Variants in GSR observed in about 807,000 individuals in gnomAD.
The protein encoded by GSR is glutathione reductase, mitochondrial.
A neutral mutation model predicts 56.5 loss-of-function variants in GSR; 48 were observed. The observed-to-expected ratio is 0.85, with a 90% CI of 0.67 to 1.08. The LOEUF is 1.08. Ranked by LOEUF, GSR falls within the 50% of genes least tolerant of loss-of-function variation. The pLI is 0.00. For synonymous variants in GSR, 264 were observed against 270.8 expected, an observed-to-expected ratio of 0.97 and a Z score of 0.25; for missense variants, 694 against 703.3, an observed-to-expected ratio of 0.99 and a Z score of 0.15.
At chr8:30,704,880 T>A (rs1803871257) in intron 4 of GSR, 2 of 151,810 alleles carry the variant, frequency 1.3e-5, no homozygotes, top group Admixed American at 6.6e-5. Context: ...CAAAAAGGAG[T>A]ATGGCTCGCG....
At chr8:30,693,220 C>T (rs1803445672) in intron 7 of GSR, among the ~76,000 whole-genome samples, 165 bp from the exon 8 acceptor site, 1 of 152,144 alleles carries the variant, frequency 6.6e-6, no homozygotes, top group Non-Finnish European at 1.5e-5. Flanking sequence ...TATTTTCCTA[C>T]ATCACCACCA....
intron 1 of GSR, among the ~76,000 whole-genome samples, chr8:30,724,286 C>T (rs1804651756): frequency 1.3e-5 from 2 of 152,158 alleles, no homozygotes; most frequent in Admixed American, 1.3e-4. Context: ...GATCTCAATC[C>T]TATGGCTTAC....
chr8:30,696,748 T>G (rs779004942), intron 6 of GSR, among the ~76,000 whole-genome samples: 2 of 151,814 alleles, frequency 1.3e-5, no homozygotes, highest in Non-Finnish European at 2.9e-5. Context: ...CAGGCTGGAG[T>G]GTAGTGGTGT....
chr8:30,712,816 C>T (rs1046687071), intron 1 of GSR, among the ~76,000 whole-genome samples: 4 of 152,144 alleles, frequency 2.6e-5, no homozygotes, highest in African/African-American at 4.8e-5. Context: ...TTGAGAAAAC[C>T]TAAATAAATA....
At chr8:30,713,835 C>T (rs1290636333) in intron 1 of GSR, among the ~76,000 whole-genome samples, 1 of 152,286 alleles carries the variant, frequency 6.6e-6, no homozygotes. Context: ...ACATATTATG[C>T]TCCCGTGTCC....
intron 1 of GSR, among the ~76,000 whole-genome samples, chr8:30,723,163 T>G (rs974625256): frequency 6.6e-6 from 1 of 152,034 alleles, no homozygotes; most frequent in Non-Finnish European, 1.5e-5. Flanking sequence ...TAGAAACAAC[T>G]TTTCCTTAAG....
At chr8:30,682,097 T>C (rs1171377954) in intron 10 of GSR, 36 bp from the exon 11 acceptor site, 2 of 1,592,228 alleles carry the variant, frequency 1.3e-6, no homozygotes, top group East Asian at 2.2e-5. Flanking sequence ...TTTATCTTAC[T>C]GTCTGTTTTA....
intron 1 of GSR, among the ~76,000 whole-genome samples, chr8:30,724,681 A>T (rs1002591735): frequency 1.3e-5 from 2 of 150,626 alleles, no homozygotes; most frequent in East Asian, 3.9e-4. Context: ...CCCAAGTAGC[A>T]TGTGCCACCA....
chr8:30,692,590 C>A (rs1292086249), intron 8 of GSR, among the ~76,000 whole-genome samples: 1 of 150,526 alleles, frequency 6.6e-6, no homozygotes, highest in Non-Finnish European at 1.5e-5. Flanking sequence ...CAACCTCCAC[C>A]TTCTGGGTTC....
chr8:30,703,371 G>A lies in GSR; in HGVS notation c.493-131C>T, dbSNP rs138449562. ...TTTGCTGATGCCAACACAATTCTCC[G>A]TTTTTCAAGTTTCTGTAGAACTTCT... On this transcript the variant is annotated intron_variant, in intron 4 of 12. Transcript: ENST00000221130. 1.9e-4 allele frequency: 167 copies of A among 871,642 alleles called. 1 individual carries two copies. The highest frequency in any genetic ancestry group is 1.9e-3 in the African/African-American group (116 of 60,560). 54.0% of individuals were successfully genotyped at this position (871,642 alleles called of 1,614,324 possible).
intron 1 of GSR, among the ~76,000 whole-genome samples, chr8:30,725,568 AATAG>A (rs1291027431): frequency 3.3e-5 from 5 of 149,792 alleles, no homozygotes; most frequent in African/African-American, 7.4e-5. Flanking sequence ...TCGAAAAAAA[AATAG>A]ATAAATACAT....
chr8:30,688,797 C>T (rs1182198614), intron 9 of GSR, among the ~76,000 whole-genome samples: 1 of 151,610 alleles, frequency 6.6e-6, no homozygotes, highest in African/African-American at 2.4e-5. Flanking sequence ...TTGTGGCACA[C>T]ACATAGTTCC....
In GSR at chr8:30,684,686, G is replaced by T. The variant is rs142217211; in HGVS notation, c.1042-487C>A. On this transcript the variant is annotated intron_variant, in intron 9 of 12. Transcript: ENST00000221130. ...CCTCTGGAGTCCAGCTTTTCAACTT[G>T]TCCCATGGAAGCACTGCTCCTGAGG... Among the ~76,000 whole-genome samples the T allele has an allele frequency of 3.4e-3, 521 of 152,210 alleles. 5 individuals carry two copies. Among genetic ancestry groups the T allele is most frequent in the Middle Eastern group, 0.01 (3 of 294 alleles).
At chr8:30,724,571 CAG>C (rs1804662750) in intron 1 of GSR, among the ~76,000 whole-genome samples, 2 of 53,598 alleles carry the variant, frequency 3.7e-5, no homozygotes, top group South Asian at 1.2e-3. Context: ...TTTTTTGAGA[CAG>C]AGTCTCACTC....
At chr8:30,710,648 TGG>T (rs1188079316) in intron 2 of GSR, among the ~76,000 whole-genome samples, 1 of 124,860 alleles carries the variant, frequency 8.0e-6, no homozygotes, top group Non-Finnish European at 1.6e-5. Flanking sequence ...ACCTGGGAGG[TGG>T]AGATTGCAGT....
At chr8:30,714,748 G>A (rs1277516216) in intron 1 of GSR, among the ~76,000 whole-genome samples, 1 of 152,048 alleles carries the variant, frequency 6.6e-6, no homozygotes. Context: ...GCCCAGGCTG[G>A]TCTTGAACTC....
At chr8:30,721,221 C>T (rs1000737517) in intron 1 of GSR, among the ~76,000 whole-genome samples, 4 of 152,158 alleles carry the variant, frequency 2.6e-5, no homozygotes, top group African/African-American at 4.8e-5. Flanking sequence ...CACCATCTCC[C>T]GTCCCCCAAA....
intron 1 of GSR, chr8:30,726,759 C>G (rs965879181): frequency 6.6e-6 from 1 of 151,900 alleles, no homozygotes; most frequent in African/African-American, 2.4e-5. Context: ...GACCCTGTCT[C>G]AAAAAACAAA....
chr8:30,689,853 A>G (rs892508862), intron 8 of GSR, among the ~76,000 whole-genome samples: 3 of 143,014 alleles, frequency 2.1e-5, no homozygotes, highest in South Asian at 2.1e-4. Context: ...TATTATATAT[A>G]AATATATTTA....
Sources: allele counts gnomAD v4.1 joint callset (sites outside exome capture counted in the v4.1 genomes callset), GRCh38; gene constraint gnomAD v4.1.1; transcripts MANE v1.5; gene names NCBI Gene and HGNC (gene_info 2026-07-23, HGNC 2026-07-21).